RBFOX1: variants seen among roughly 807,000 people sequenced by gnomAD.
The protein encoded by RBFOX1 is RNA binding protein fox-1 homolog 1.
RBFOX1 carries 8 observed loss-of-function variants against 57.7 expected under a neutral mutation model. The observed-to-expected ratio is 0.14, with a 90% CI of 0.08 to 0.25. The LOEUF is 0.25. Among genes scored for constraint, RBFOX1 ranks in the 10% least tolerant of loss-of-function variants. RBFOX1 has a pLI of 1.00. For synonymous variants in RBFOX1, 326 were observed against 222.4 expected (o/e 1.47, Z -4.15); for missense variants, 611 against 548.5 (o/e 1.11, Z -1.14).
intron 3 of RBFOX1, among the ~76,000 whole-genome samples, chr16:5,751,410 A>T (rs1437738269): frequency 2.0e-5 from 3 of 152,184 alleles, no homozygotes; most frequent in Non-Finnish European, 4.4e-5. Flanking sequence ...CTGTGAAGCA[A>T]GTGGGCGGAT....
At chr16:6,427,512 A>C (rs2093964073) in intron 2 of RBFOX1, among the ~76,000 whole-genome samples, 1 of 152,188 alleles carries the variant, frequency 6.6e-6, no homozygotes, top group Non-Finnish European at 1.5e-5. Flanking sequence ...GAAAAAGGCA[A>C]AATAAAGAGG....
intron 1 of RBFOX1, among the ~76,000 whole-genome samples, chr16:6,076,321 C>T (rs778855126): frequency 6.6e-5 from 10 of 150,992 alleles, no homozygotes; most frequent in Non-Finnish European, 1.5e-4. Context: ...ACAACAAACG[C>T]ACAAACACAC....
At chr16:5,274,776 A>G (rs1596363315) in intron 1 of RBFOX1, among the ~76,000 whole-genome samples, 1 of 152,324 alleles carries the variant, frequency 6.6e-6, no homozygotes, top group African/African-American at 2.4e-5. Flanking sequence ...GGCAAGCAGG[A>G]CAGGTAAGAT....
chr16:6,524,311 C>A (rs930550975), intron 2 of RBFOX1, among the ~76,000 whole-genome samples: 8 of 152,192 alleles, frequency 5.3e-5, no homozygotes, highest in Admixed American at 2.6e-4. Flanking sequence ...TGTGTTGTTG[C>A]AAATGACTGT....
chr16:6,220,568 C>G (rs773511412), intron 1 of RBFOX1, among the ~76,000 whole-genome samples: 1 of 152,032 alleles, frequency 6.6e-6, no homozygotes, highest in Non-Finnish European at 1.5e-5. Context: ...TTTGATTAAC[C>G]AAAACACAGT....
chr16:7,579,669 G>C (rs1222165439), intron 5 of RBFOX1, 108 bp from the exon 6 acceptor site: 2 of 1,371,486 alleles, frequency 1.5e-6, no homozygotes, highest in African/African-American at 1.5e-5. Context: ...TCCCTTCTCA[G>C]ATTGCTTAGT....
chr16:7,389,200 A>C (rs1014445130), intron 4 of RBFOX1, among the ~76,000 whole-genome samples: 1 of 152,102 alleles, frequency 6.6e-6, no homozygotes, highest in Non-Finnish European at 1.5e-5. Flanking sequence ...ATCACAGCTC[A>C]TGGCAGCTTT....
intron 3 of RBFOX1, among the ~76,000 whole-genome samples, chr16:6,706,370 C>A (rs946833944): frequency 6.6e-5 from 10 of 152,160 alleles, no homozygotes; most frequent in South Asian, 2.1e-4. Flanking sequence ...TGCAATGTAG[C>A]AGCCCAATTA....
At chr16:7,472,014 A>T (rs533451368) in intron 4 of RBFOX1, among the ~76,000 whole-genome samples, 5 of 152,342 alleles carry the variant, frequency 3.3e-5, no homozygotes, top group Admixed American at 6.5e-5. Flanking sequence ...TAGTGGAACA[A>T]TTGGTGAACA....
At chr16:6,826,708 G>C (rs1178982462) in intron 3 of RBFOX1, among the ~76,000 whole-genome samples, 1 of 151,932 alleles carries the variant, frequency 6.6e-6, no homozygotes, top group Non-Finnish European at 1.5e-5. Flanking sequence ...CTAAGACCAG[G>C]TGATTTATTT....
chr16:5,965,039 G>T (rs1194513885), intron 4 of RBFOX1, among the ~76,000 whole-genome samples: 3 of 152,102 alleles, frequency 2.0e-5, no homozygotes, highest in Non-Finnish European at 4.4e-5. Flanking sequence ...GATACAGAAA[G>T]ACACAAATAC....
At chr16:6,755,331 T>C (rs1209299257) in intron 3 of RBFOX1, among the ~76,000 whole-genome samples, 2 of 152,260 alleles carry the variant, frequency 1.3e-5, no homozygotes, top group African/African-American at 2.4e-5. Context: ...AGTGTAAAAG[T>C]GTTCCTATTT....
intron 3 of RBFOX1, among the ~76,000 whole-genome samples, chr16:6,838,674 C>G (rs2093278146): frequency 6.6e-6 from 1 of 152,142 alleles, no homozygotes; most frequent in Non-Finnish European, 1.5e-5. Flanking sequence ...TTGGGCAAAG[C>G]CGATAACCTT....
At chr16:6,730,653 TC>T (rs1485711764) in intron 3 of RBFOX1, among the ~76,000 whole-genome samples, 2 of 152,192 alleles carry the variant, frequency 1.3e-5, no homozygotes, top group African/African-American at 4.8e-5. Flanking sequence ...TTGTGGAAAA[TC>T]TTCAATCATG....
chr16:6,672,275 C>G (rs76859726), intron 3 of RBFOX1, among the ~76,000 whole-genome samples: 4,204 of 151,998 alleles, frequency 0.028, 196 homozygotes, highest in African/African-American at 0.096. Context: ...GAGAAATATA[C>G]ATCCAATATA....
chr16:6,247,189 C>T (rs1487912193), intron 1 of RBFOX1, among the ~76,000 whole-genome samples: 1 of 152,162 alleles, frequency 6.6e-6, no homozygotes, highest in East Asian at 1.9e-4. Context: ...TGTGAAATTG[C>T]AACTGTCTTG....
intron 3 of RBFOX1, among the ~76,000 whole-genome samples, chr16:6,973,151 A>G (rs1444856280): frequency 1.3e-5 from 2 of 151,940 alleles, no homozygotes; most frequent in Non-Finnish European, 2.9e-5. Context: ...TAAAAATTTA[A>G]AAATAGAGAC....
intron 4 of RBFOX1, among the ~76,000 whole-genome samples, chr16:7,325,235 T>C (rs1387056037): frequency 3.9e-5 from 6 of 152,194 alleles, no homozygotes; most frequent in Non-Finnish European, 8.8e-5. Flanking sequence ...TATTTAAATC[T>C]CTGGACCACT....
chr16:7,218,643 T>C (rs993461697), intron 4 of RBFOX1, among the ~76,000 whole-genome samples: 33 of 148,398 alleles, frequency 2.2e-4, no homozygotes, highest in African/African-American at 7.7e-4. Context: ...TGTGTGTGTG[T>C]GTGTGTGTGT....
Sources: allele counts gnomAD v4.1 joint callset (sites outside exome capture counted in the v4.1 genomes callset), GRCh38; gene constraint gnomAD v4.1.1; transcripts MANE v1.5; gene names NCBI Gene and HGNC (gene_info 2026-07-23, HGNC 2026-07-21).